CHD2: variants seen among roughly 807,000 people sequenced by gnomAD.
CHD2 encodes the protein ATP-dependent chromatin remodeler CHD2.
A neutral mutation model predicts 243.9 loss-of-function variants in CHD2; 28 were observed. The ratio of observed to expected loss-of-function variants is 0.11; its 90% confidence interval spans 0.09 to 0.16. The LOEUF is 0.16. Among genes scored for constraint, CHD2 ranks in the 10% least tolerant of loss-of-function variants. CHD2 has a pLI of 1.00. For synonymous variants in CHD2, 775 were observed against 779.0 expected (o/e 0.99, Z 0.09); for missense variants, 1,386 against 2,209.8 (o/e 0.63, Z 7.47).
intron 16 of CHD2, among the ~76,000 whole-genome samples, chr15:92,961,899 T>TTTTTTG (rs2053694179): frequency 1.5e-5 from 2 of 131,072 alleles, no homozygotes; most frequent in East Asian, 2.2e-4. Context: ...TTTTTTTTTT[T>TTTTTTG]GAGACTGAGT....
At chr15:92,909,221 C>T (rs1031483756) in intron 2 of CHD2, among the ~76,000 whole-genome samples, 2 of 152,064 alleles carry the variant, frequency 1.3e-5, no homozygotes, top group East Asian at 1.9e-4. Context: ...CTCTTGTGGT[C>T]GTCTCTTCCT....
At chr15:93,006,710 C>A (rs758107619) in intron 34 of CHD2, among the ~76,000 whole-genome samples, 5 of 152,192 alleles carry the variant, frequency 3.3e-5, no homozygotes, top group Non-Finnish European at 5.9e-5. Context: ...CCAGGCAGTT[C>A]GGCATGAGAG....
At chr15:92,954,098 A>G (rs1457394991) in intron 14 of CHD2, 1 of 153,526 alleles carries the variant, frequency 6.5e-6, no homozygotes, top group African/African-American at 2.4e-5. Flanking sequence ...TGAATTTAGA[A>G]CACAGTGACT....
chr15:92,971,894 A>C lies in CHD2; in HGVS notation c.2319A>C (p.Glu773Asp). 6.2e-7 allele frequency: 1 copy of C among 1,612,630 alleles called. No homozygotes were observed. Among genetic ancestry groups the C allele is most frequent in the Non-Finnish European group, 8.5e-7 (1 of 1,179,564 alleles). ...NHCYLIKPPEENERENGQEIL... is the reference protein window; with the variant it reads ...NHCYLIKPPEDNERENGQEIL... ...GCTATCTGATTAAACCCCCTGAAGA[A>C]AATGAAAGGGAAAATGGACAGGAGA... The change falls in exon 18 of 39, where the codon GAA (glutamate) becomes GAC (aspartate). Residue 773 changes from glutamate to aspartate, a missense_variant. Physicochemically the swap from Glu to Asp is conservative, Grantham distance 45. Coordinates refer to ENST00000394196, the MANE Select transcript of CHD2 (RefSeq NM_001271.4).
intron 2 of CHD2, among the ~76,000 whole-genome samples, chr15:92,918,591 C>A (rs893668631): frequency 5.9e-5 from 9 of 152,094 alleles, no homozygotes; most frequent in African/African-American, 1.7e-4. Context: ...ACTCCACTCA[C>A]TAACTCAGTT....
At position 93,027,899 on chromosome 15, in the gene CHD2, ATGT is replaced by A. The variant is rs537441692; in HGVS notation, c.*3199_*3201del. ...GTCCTAGTGATTTCTGATGTAAATA[ATGT>A]TGTTTATATAGTATGTATTAAATTT... On this transcript the variant is annotated 3_prime_UTR_variant, in exon 39 of 39. Transcript: ENST00000394196. 2.0e-4 allele frequency: 31 copies of A among 152,810 alleles called. No homozygotes were observed. The highest frequency in any genetic ancestry group is 1.8e-4 in the Non-Finnish European group (12 of 68,040). The allele number at this position is 152,810 out of a possible 1,614,324, so 9.5% of individuals were successfully genotyped here. A position where few individuals can be genotyped will look rare whatever the true frequency, so the allele number is the denominator to read the frequency against.
In CHD2 at chr15:92,942,871, G is replaced by C. The variant is rs138796857; in HGVS notation, c.855G>C (p.Ala285=). The change falls in exon 9 of 39, where the codon GCG becomes GCC. Residue 285 remains alanine, a synonymous_variant. Transcript: ENST00000394196. ...GATGASTTVY[A]IEANGDPSGD... ...CTGGAGCATCTACTACTGTATATGC[G>C]ATTGAAGCTAATGGCGACCCTAGTG... The C allele has an allele frequency of 4.3e-6, 7 of 1,613,432 alleles. No homozygotes were observed. Among genetic ancestry groups the C allele is most frequent in the Non-Finnish European group, 5.9e-6 (7 of 1,179,850 alleles).
chr15:93,006,423 C>A (rs1482298825), intron 34 of CHD2, among the ~76,000 whole-genome samples: 1 of 152,184 alleles, frequency 6.6e-6, no homozygotes, highest in Non-Finnish European at 1.5e-5. Context: ...CCGCACCCGG[C>A]CTTTTCTCTC....
In CHD2 at chr15:92,924,331, T is replaced by C; in HGVS notation, c.73T>C (p.Ser25Pro). ...LHSNASSHSA[S>P]EEASGSDSGS... ...CTCTCTCAAAATAAGTCACTCAGCCTCTGAAGAAGCTTCGGGTTCAGACTC... is the reference window on the plus strand; with the variant it reads ...CTCTCTCAAAATAAGTCACTCAGCCCCTGAAGAAGCTTCGGGTTCAGACTC... Residue 25 changes from serine to proline, a missense_variant, in exon 3 of 39, where the codon TCT becomes CCT. Transcript: ENST00000394196. The C allele has an allele frequency of 1.2e-6, 2 of 1,613,864 alleles. No individual in the cohort carries two copies. Among genetic ancestry groups the C allele is most frequent in the Non-Finnish European group, 1.7e-6 (2 of 1,179,938 alleles).
chr15:92,919,916 C>T (rs2052922357), intron 2 of CHD2, among the ~76,000 whole-genome samples: 1 of 152,184 alleles, frequency 6.6e-6, no homozygotes, highest in African/African-American at 2.4e-5. Context: ...GTATCATTCC[C>T]TGAGAGCATC....
At chr15:92,996,312 A>G (rs1009329893) in intron 28 of CHD2, among the ~76,000 whole-genome samples, 4 of 151,178 alleles carry the variant, frequency 2.6e-5, no homozygotes, top group Non-Finnish European at 5.9e-5. Flanking sequence ...GGCGCCCACC[A>G]CCACACCTGG....
At chr15:93,020,304 G>C in intron 38 of CHD2, 46 bp downstream of exon 38, 1 of 1,612,362 alleles carries the variant, frequency 6.2e-7, no homozygotes, top group African/African-American at 1.3e-5. Context: ...TTTGCCAGGA[G>C]CTGTTTCTAG....
intron 2 of CHD2, 142 bp downstream of exon 2, chr15:92,901,441 C>CTT (rs1462884326): frequency 1.6e-6 from 1 of 639,968 alleles, no homozygotes; most frequent in Non-Finnish European, 2.8e-6. Context: ...AAAGCATGAC[C>CTT]TTGAGATTGC....
chr15:93,005,190 C>G (rs1447571150), intron 34 of CHD2, among the ~76,000 whole-genome samples: 2 of 152,114 alleles, frequency 1.3e-5, no homozygotes, highest in African/African-American at 2.4e-5. Context: ...TGACAGGGCT[C>G]TGGAGGAGAG....
At chr15:93,013,141 A>G (rs1191808604) in intron 36 of CHD2, among the ~76,000 whole-genome samples, 1 of 152,208 alleles carries the variant, frequency 6.6e-6, no homozygotes, top group Non-Finnish European at 1.5e-5. Context: ...ACAGGGAAGC[A>G]CTCAGGAGTA....
chr15:92,949,330 G>A, intron 13 of CHD2: 1 of 905,802 alleles, frequency 1.1e-6, no homozygotes, highest in South Asian at 2.8e-5. Flanking sequence ...GTCATAGCCA[G>A]AAACCTGTAT....
chr15:92,921,294 G>A (rs1426837162), intron 2 of CHD2: 1 of 152,380 alleles, frequency 6.6e-6, no homozygotes. Flanking sequence ...CTGGAGCAGT[G>A]GGGGTGAGGG....
rs774451214 is a variant in CHD2 at position 93,024,887 on chromosome 15, C to T, written c.*182C>T. 4.9e-5 allele frequency: 29 copies of T among 586,778 alleles called. No homozygotes were observed. The highest frequency in any genetic ancestry group is 3.4e-4 in the African/African-American group (18 of 53,090). The allele number at this position is 586,778 out of a possible 1,614,324, so 36.3% of individuals were successfully genotyped here. The stretch of plus-strand genomic sequence containing the variant: ...CCTTTCACTGGGTCCAGCTCTGATT[C>T]GGGTCACCACTCCTGCACTTTGGCA... On this transcript the variant is annotated 3_prime_UTR_variant, in exon 39 of 39. Coordinates refer to ENST00000394196, the MANE Select transcript of CHD2 (RefSeq NM_001271.4).
At chr15:93,009,115 TTA>T in intron 34 of CHD2, 28 bp from the exon 35 acceptor site, 1 of 1,608,786 alleles carries the variant, frequency 6.2e-7, no homozygotes, top group Non-Finnish European at 8.5e-7. Context: ...TGCAGATTGT[TTA>T]TGTCTTTACT....
Sources: gnomAD v4.1 joint callset for allele counts (sites outside exome capture counted in the v4.1 genomes callset) on GRCh38, gnomAD v4.1.1 for gene constraint, MANE v1.5 for transcripts, NCBI Gene and HGNC (gene_info 2026-07-23, HGNC 2026-07-21) for gene names.